GRID2: variants seen among roughly 807,000 people sequenced by gnomAD.
GRID2 encodes the protein glutamate receptor ionotropic, delta-2.
Under a neutral mutation model 114.8 loss-of-function variants are expected in GRID2, and 33 were observed. The ratio of observed to expected loss-of-function variants is 0.29; its 90% confidence interval spans 0.22 to 0.38. GRID2 has a LOEUF of 0.38. Ranked by LOEUF, GRID2 falls within the 10% of genes least tolerant of loss-of-function variation. GRID2 has a pLI of 1.00. For synonymous variants in GRID2, 505 were observed against 449.9 expected (o/e 1.12, Z -1.55); for missense variants, 1,184 against 1,257.7 (o/e 0.94, Z 0.89).
intron 2 of GRID2, among the ~76,000 whole-genome samples, chr4:92,896,522 C>T (rs915902211): frequency 1.3e-5 from 2 of 151,030 alleles, no homozygotes; most frequent in African/African-American, 4.9e-5. Context: ...ATTATGAGAT[C>T]TTCAGTTGTT....
intron 2 of GRID2, among the ~76,000 whole-genome samples, chr4:92,603,912 T>C (rs1237537725): frequency 6.6e-6 from 1 of 151,756 alleles, no homozygotes; most frequent in Admixed American, 6.6e-5. Flanking sequence ...TAAAAAAACA[T>C]TTATATGGCC....
chr4:93,140,164 T>TTTC, intron 4 of GRID2, among the ~76,000 whole-genome samples: 1 of 146,018 alleles, frequency 6.8e-6, no homozygotes, highest in African/African-American at 2.6e-5. Context: ...TCTTTTCTTT[T>TTTC]TTTTTTTTTT....
intron 1 of GRID2, among the ~76,000 whole-genome samples, chr4:92,345,417 G>A (rs58576860): frequency 0.022 from 3,331 of 152,252 alleles, 103 homozygotes; most frequent in East Asian, 0.079. Context: ...TGCTATAAAC[G>A]TGTGTGCATC....
intron 4 of GRID2, among the ~76,000 whole-genome samples, chr4:93,136,769 G>A (rs966551420): frequency 2.0e-5 from 3 of 152,076 alleles, no homozygotes; most frequent in African/African-American, 2.4e-5. Context: ...AAGTGAATAC[G>A]ACTTAAATTT....
At chr4:93,626,111 T>G (rs1742707074) in intron 13 of GRID2, among the ~76,000 whole-genome samples, 158 bp from the exon 14 acceptor site, 1 of 152,194 alleles carries the variant, frequency 6.6e-6, no homozygotes, top group African/African-American at 2.4e-5. Context: ...ACAGGGGTTC[T>G]GAAATCAATC....
intron 2 of GRID2, among the ~76,000 whole-genome samples, chr4:92,768,219 TTGTTA>T (rs1465943764): frequency 6.6e-6 from 1 of 152,212 alleles, no homozygotes; most frequent in Non-Finnish European, 1.5e-5. Flanking sequence ...TGTTTTTCTA[TTGTTA>T]TATGTGTGTT....
intron 2 of GRID2, among the ~76,000 whole-genome samples, chr4:92,859,892 G>C (rs753432546): frequency 1.3e-5 from 2 of 152,038 alleles, no homozygotes; most frequent in Non-Finnish European, 2.9e-5. Context: ...AGAATCTTTA[G>C]CAGCATTTCT....
At chr4:92,418,571 G>A (rs1006277372) in intron 1 of GRID2, among the ~76,000 whole-genome samples, 2 of 152,066 alleles carry the variant, frequency 1.3e-5, no homozygotes, top group African/African-American at 2.4e-5. Flanking sequence ...ATTGGAGGCA[G>A]ATCAGAGATT....
At chr4:92,399,853 T>C (rs1730702619) in intron 1 of GRID2, among the ~76,000 whole-genome samples, 1 of 152,122 alleles carries the variant, frequency 6.6e-6, no homozygotes, top group African/African-American at 2.4e-5. Flanking sequence ...AATAAATACA[T>C]AGTTACAGAT....
chr4:93,450,140 A>G (rs922969404), intron 10 of GRID2, among the ~76,000 whole-genome samples: 2 of 151,972 alleles, frequency 1.3e-5, no homozygotes, highest in African/African-American at 2.4e-5. Context: ...CTGATTATTT[A>G]GACTGTGTTC....
chr4:92,411,655 G>GTGTGTGTATGTATATATATATATA, intron 1 of GRID2, among the ~76,000 whole-genome samples: 3 of 84,724 alleles, frequency 3.5e-5, no homozygotes, highest in African/African-American at 1.8e-4. Context: ...GTGTGTGTGT[G>GTGTGTGTATGTATATATATATATA]TATATATATA....
intron 5 of GRID2, among the ~76,000 whole-genome samples, chr4:93,210,462 A>G (rs1235245071): frequency 6.6e-6 from 1 of 152,112 alleles, no homozygotes; most frequent in Non-Finnish European, 1.5e-5. Flanking sequence ...CTGTTTTTGT[A>G]CCAGTATCAT....
chr4:93,434,288 C>T (rs1560615552), intron 10 of GRID2, among the ~76,000 whole-genome samples: 1 of 152,070 alleles, frequency 6.6e-6, no homozygotes, highest in Non-Finnish European at 1.5e-5. Flanking sequence ...GAGAGAAAGA[C>T]CAAAGCCGAG....
chr4:92,665,437 A>G (rs1732724380), intron 2 of GRID2, among the ~76,000 whole-genome samples: 1 of 151,328 alleles, frequency 6.6e-6, no homozygotes, highest in Admixed American at 6.6e-5. Flanking sequence ...ACCTTAAATT[A>G]TGTGGAAACA....
chr4:92,914,176 T>G (rs1039848655), intron 2 of GRID2, among the ~76,000 whole-genome samples: 2 of 152,166 alleles, frequency 1.3e-5, no homozygotes, highest in Non-Finnish European at 2.9e-5. Flanking sequence ...ACATATTTAA[T>G]AATGTATAAA....
chr4:92,944,269 A>C (rs1242952514), intron 2 of GRID2, among the ~76,000 whole-genome samples: 1 of 152,184 alleles, frequency 6.6e-6, no homozygotes, highest in African/African-American at 2.4e-5. Flanking sequence ...AAGCCTGGGC[A>C]ATTGTGGGTG....
chr4:93,336,006 A>AT (rs1452990603), intron 8 of GRID2, among the ~76,000 whole-genome samples: 2 of 152,092 alleles, frequency 1.3e-5, no homozygotes, highest in Non-Finnish European at 2.9e-5. Flanking sequence ...TATCAAAGTA[A>AT]TTTTTTCTCT....
chr4:93,291,699 G>A (rs1190552710), intron 8 of GRID2, among the ~76,000 whole-genome samples: 2 of 152,134 alleles, frequency 1.3e-5, no homozygotes, highest in Admixed American at 6.6e-5. Flanking sequence ...CATAGATTTT[G>A]TATATCCTCT....
intron 1 of GRID2, among the ~76,000 whole-genome samples, chr4:92,549,304 A>G (rs1427325408): frequency 6.6e-6 from 1 of 152,136 alleles, no homozygotes; most frequent in Non-Finnish European, 1.5e-5. Context: ...TGAACATTAT[A>G]CCATTAATGT....
Sources: allele counts gnomAD v4.1 joint callset (sites outside exome capture counted in the v4.1 genomes callset), GRCh38; gene constraint gnomAD v4.1.1; transcripts MANE v1.5; gene names NCBI Gene and HGNC (gene_info 2026-07-23, HGNC 2026-07-21).